The following DNAJC10 variants were observed in gnomAD, a reference collection of about 807,000 sequenced individuals.
DNAJC10 encodes DnaJ heat shock protein family (Hsp40) member C10.
In DNAJC10, 101 loss-of-function variants were observed where a neutral mutation model predicts 115.0. That is an observed-to-expected ratio of 0.88 (90% CI 0.75 to 1.04). The LOEUF (loss-of-function observed/expected upper bound fraction) is 1.04. Ranked by LOEUF, DNAJC10 falls within the 50% of genes least tolerant of loss-of-function variation. The probability of loss-of-function intolerance (pLI) is 0.00; values close to 1 mark genes in which losing one functional copy is unlikely to be tolerated. For synonymous variants in DNAJC10, 307 were observed against 301.5 expected (o/e 1.02, Z -0.19); for missense variants, 981 against 928.8 (o/e 1.06, Z -0.73).
intron 18 of DNAJC10, among the ~76,000 whole-genome samples, chr2:182,756,795 C>A (rs773812958): frequency 6.6e-6 from 1 of 152,058 alleles, no homozygotes; most frequent in African/African-American, 2.4e-5. Flanking sequence ...TGTGCCACCA[C>A]GCCTAGCTAA....
Position 182,751,643 on chromosome 2 carries a change from C to G in DNAJC10, c.1307-15C>G. 1 of 1,606,850 alleles carries G rather than the reference C, an allele frequency of 6.2e-7. No individual in the cohort carries two copies. Among genetic ancestry groups the G allele is most frequent in the South Asian group, 1.1e-5 (1 of 88,860 alleles). ...GCAGAATTTGGATTTGAATTTCTCT[C>G]ATTCACTTTGAAAGGAAAGAAGATT... On this transcript the variant is annotated splice_polypyrimidine_tract_variant and intron_variant, in intron 14 of 23. Coordinates refer to ENST00000264065, the MANE Select transcript of DNAJC10 (RefSeq NM_018981.4).
Position 182,729,001 on chromosome 2 carries a change from G to A in DNAJC10, c.633+7G>A. 1.9e-6 allele frequency: 3 copies of A among 1,613,066 alleles called. No individual in the cohort carries two copies. In the South Asian group the frequency reaches 3.3e-5, roughly 18 times the overall value. Reference sequence around the variant, plus strand: ...CATTTTTCGGTCTGGAATGGTAAGGGATAAAGTTAGCATTTTTTAAATTTG... The same window carrying A: ...CATTTTTCGGTCTGGAATGGTAAGGAATAAAGTTAGCATTTTTTAAATTTG... On this transcript the variant is annotated splice_region_variant and intron_variant, in intron 7 of 23. Coordinates refer to ENST00000264065, the MANE Select transcript of DNAJC10 (RefSeq NM_018981.4).
chr2:182,756,563 C>T, intron 18 of DNAJC10, 94 bp downstream of exon 18: 1 of 1,205,150 alleles, frequency 8.3e-7, no homozygotes, highest in South Asian at 1.5e-5. Context: ...GAACCCACAA[C>T]TAAATTATTA....
At chr2:182,754,880 C>G in intron 16 of DNAJC10, 123 bp from the exon 17 acceptor site, 1 of 1,297,906 alleles carries the variant, frequency 7.7e-7, no homozygotes, top group Non-Finnish European at 1.0e-6. Flanking sequence ...ATTTTTGTCA[C>G]CAGAAATTTA....
intron 21 of DNAJC10, among the ~76,000 whole-genome samples, chr2:182,759,587 C>T (rs966056418): frequency 6.6e-6 from 1 of 152,052 alleles, no homozygotes; most frequent in Non-Finnish European, 1.5e-5. Context: ...CTTTCTCCTC[C>T]CCACCCCAGT....
chr2:182,732,267 T>G (rs1226165141), intron 9 of DNAJC10, among the ~76,000 whole-genome samples: 2 of 151,894 alleles, frequency 1.3e-5, no homozygotes, highest in Non-Finnish European at 2.9e-5. Context: ...CTAGACATCC[T>G]AGAAATTAAA....
Position 182,729,841 on chromosome 2 carries a change from C to G in DNAJC10, c.634-7C>G. The G allele has an allele frequency of 6.4e-7, 1 of 1,558,876 alleles. No homozygotes were observed. The highest frequency in any genetic ancestry group is 8.6e-7 in the Non-Finnish European group (1 of 1,156,548). ...AAAGATGTTTCTCTTCTTACAAAAA[C>G]CAATAGGCCCCAGTGAAATATCATG... On this transcript the variant is annotated splice_polypyrimidine_tract_variant and splice_region_variant and intron_variant, in intron 7 of 23. Transcript: ENST00000264065.
In DNAJC10 at chr2:182,793,820, T is replaced by TCTCACACACA. The variant is rs1695094347; in HGVS notation, c.*16689_*16690insTCACACACAC. ...TAAAATTTTCCAGAGAGGAAACACA[T>TCTCACACACA]CACACACACACACACACACACACAC... On this transcript the variant is annotated 3_prime_UTR_variant, in exon 24 of 24. Transcript: ENST00000264065. 1.5e-5 allele frequency: 2 copies of TCTCACACACA among 135,636 alleles called. No individual in the cohort carries two copies. Among genetic ancestry groups the TCTCACACACA allele is most frequent in the African/African-American group, 2.9e-5 (1 of 34,424 alleles). 8.4% of individuals were successfully genotyped at this position (135,636 alleles called of 1,614,324 possible).
rs545676574 is a variant in DNAJC10, at chr2:182,770,818, G to A, written c.2266-4498G>A. Among the ~76,000 whole-genome samples the A allele has an allele frequency of 3.4e-4, 51 of 152,068 alleles. 1 individual carries two copies. In the South Asian group the frequency reaches 0.011, roughly 32 times the overall value. On this transcript the variant is annotated intron_variant, in intron 22 of 23. Transcript: ENST00000264065. ...CTTTATTTCTTTTTCTTGCCTAATTGCCCTGGCCAGAACTTCCAATACTAT... is the reference window on the plus strand; with the variant it reads ...CTTTATTTCTTTTTCTTGCCTAATTACCCTGGCCAGAACTTCCAATACTAT...
chr2:182,767,943 C>T (rs747727419), intron 22 of DNAJC10, among the ~76,000 whole-genome samples: 9 of 152,022 alleles, frequency 5.9e-5, no homozygotes, highest in Non-Finnish European at 1.2e-4. Context: ...CACAGTGCCT[C>T]GGTATTTTTC....
At chr2:182,727,375 T>C (rs949655503) in intron 5 of DNAJC10, among the ~76,000 whole-genome samples, 1 of 152,234 alleles carries the variant, frequency 6.6e-6, no homozygotes, top group Non-Finnish European at 1.5e-5. Flanking sequence ...ACCTCATTAC[T>C]TGTTTATAGC....
Position 182,754,158 on chromosome 2 carries a change from A to T in DNAJC10, c.1552-845A>T, listed in dbSNP as rs565966029. The stretch of plus-strand genomic sequence containing the variant: ...AAACTACATGTTAAATGCTAAAATA[A>T]TGCTCAACACATAGTTAAATTTTAG... On this transcript the variant is annotated intron_variant, in intron 16 of 23. Coordinates refer to ENST00000264065, the MANE Select transcript of DNAJC10 (RefSeq NM_018981.4). Among the ~76,000 whole-genome samples the T allele has an allele frequency of 9.2e-5, 14 of 152,336 alleles. 1 individual carries two copies. Among genetic ancestry groups the T allele is most frequent in the African/African-American group, 3.4e-4 (14 of 41,572 alleles).
chr2:182,759,552 GTC>G (rs1019329488), intron 21 of DNAJC10, among the ~76,000 whole-genome samples: 2 of 151,892 alleles, frequency 1.3e-5, no homozygotes, highest in Non-Finnish European at 1.5e-5. Context: ...AGCCAGAAAC[GTC>G]TCTTTCTTCT....
rs1008440740 is a variant in DNAJC10 at position 182,787,602 on chromosome 2, A to G, written c.*10470A>G. On this transcript the variant is annotated 3_prime_UTR_variant, in exon 24 of 24. Transcript: ENST00000264065. ...GACATTTAATTTAGTCAAAATAGGC[A>G]TGGGAATGAAAGTGAGACTTAGAGG... The G allele has an allele frequency of 2.6e-5, 4 of 152,232 alleles. No homozygotes were observed. The highest frequency in any genetic ancestry group is 1.5e-5 in the Non-Finnish European group (1 of 68,092). The allele number at this position is 152,232 out of a possible 1,614,324, so 9.4% of individuals were successfully genotyped here. A position where few individuals can be genotyped will look rare whatever the true frequency, so the allele number is the denominator to read the frequency against.
chr2:182,770,609 C>G (rs1408813233), intron 22 of DNAJC10, among the ~76,000 whole-genome samples: 1 of 151,324 alleles, frequency 6.6e-6, no homozygotes, highest in Admixed American at 6.6e-5. Flanking sequence ...TGATTTGGCT[C>G]TCTGTTGATG....
rs1268422389 is a variant in DNAJC10 at position 182,786,139 on chromosome 2, G to A, written c.*9007G>A. 3.3e-5 allele frequency: 5 copies of A among 152,000 alleles called. No homozygotes were observed. The highest frequency in any genetic ancestry group is 6.6e-5 in the Admixed American group (1 of 15,260). The allele number at this position is 152,000 out of a possible 1,614,324, so 9.4% of individuals were successfully genotyped here. A position where few individuals can be genotyped will look rare whatever the true frequency, so the allele number is the denominator to read the frequency against. On this transcript the variant is annotated 3_prime_UTR_variant, in exon 24 of 24. Coordinates refer to ENST00000264065, the MANE Select transcript of DNAJC10 (RefSeq NM_018981.4). ...TAATAACAGTTTTAATTTCAGAAAC[G>A]CAAAATATTGTTTTTACAACTAAGA...
intron 23 of DNAJC10, among the ~76,000 whole-genome samples, 189 bp from the exon 24 acceptor site, chr2:182,776,932 G>C (rs1694721771): frequency 6.6e-6 from 1 of 152,110 alleles, no homozygotes; most frequent in African/African-American, 2.4e-5. Flanking sequence ...GAGCAGGTAA[G>C]AACTAGGATA....
rs889196155 is a variant in DNAJC10 at position 182,779,130 on chromosome 2, G to A, written c.*1998G>A. On this transcript the variant is annotated 3_prime_UTR_variant, in exon 24 of 24. Coordinates refer to ENST00000264065, the MANE Select transcript of DNAJC10 (RefSeq NM_018981.4). ...TCCTATAATTTGACCTAAGCTGTGTGCCTTTGGAATCAGCTCTAAGCCAGG... is the reference window on the plus strand; with the variant it reads ...TCCTATAATTTGACCTAAGCTGTGTACCTTTGGAATCAGCTCTAAGCCAGG... 1 of 152,156 alleles carries A rather than the reference G, an allele frequency of 6.6e-6. No homozygotes were observed. The highest frequency in any genetic ancestry group is 2.4e-5 in the African/African-American group (1 of 41,446). 9.4% of individuals were successfully genotyped at this position (152,156 alleles called of 1,614,324 possible).
intron 10 of DNAJC10, chr2:182,732,766 G>A: frequency 1.9e-6 from 1 of 525,920 alleles, no homozygotes; most frequent in Non-Finnish European, 3.3e-6. Flanking sequence ...TACTTTGTAA[G>A]TATTCTGTAA....
Sources: allele counts gnomAD v4.1 joint callset (sites outside exome capture counted in the v4.1 genomes callset), GRCh38; gene constraint gnomAD v4.1.1; transcripts MANE v1.5; gene names NCBI Gene and HGNC (gene_info 2026-07-23, HGNC 2026-07-21).